The following EZH2 variants were observed in gnomAD, a reference collection of about 807,000 sequenced individuals.
EZH2 encodes the protein enhancer of zeste 2 polycomb repressive complex 2 subunit, also known as histone-lysine N-methyltransferase EZH2.
EZH2 carries 18 observed loss-of-function variants against 98.4 expected under a neutral mutation model. That is an observed-to-expected ratio of 0.18 (90% confidence interval 0.13 to 0.27). The LOEUF is 0.27. Ranked by LOEUF, EZH2 falls within the 10% of genes least tolerant of loss-of-function variation. The probability of loss-of-function intolerance (pLI) is 1.00; values close to 1 mark genes in which losing one functional copy is unlikely to be tolerated. For missense variants in EZH2, 470 were observed against 935.1 expected, an observed-to-expected ratio of 0.50 and a Z score of 6.49; for synonymous variants, 338 against 312.3, an observed-to-expected ratio of 1.08 and a Z score of -0.87.
intron 1 of EZH2, among the ~76,000 whole-genome samples, chr7:148,881,011 T>C (rs1563082695): frequency 6.6e-6 from 1 of 152,224 alleles, no homozygotes. Flanking sequence ...GTATGTATCA[T>C]CTGACCATGA....
intron 8 of EZH2, among the ~76,000 whole-genome samples, chr7:148,823,993 A>G (rs570941851): frequency 6.6e-6 from 1 of 152,186 alleles, no homozygotes; most frequent in South Asian, 2.1e-4. Context: ...ATAAGAGACC[A>G]GAAAACTAAA....
chr7:148,820,753 GAAAAA>G (rs1805825631), intron 8 of EZH2, among the ~76,000 whole-genome samples: 1 of 151,484 alleles, frequency 6.6e-6, no homozygotes, highest in East Asian at 1.9e-4. Context: ...GTTCTCTGAA[GAAAAA>G]AATACATAAT....
intron 8 of EZH2, among the ~76,000 whole-genome samples, chr7:148,824,075 G>A (rs1806962614): frequency 6.6e-6 from 1 of 152,040 alleles, no homozygotes; most frequent in Admixed American, 6.6e-5. Flanking sequence ...AACACTTTGG[G>A]AGGCCAGGGC....
chr7:148,868,057 A>C (rs533808089), intron 1 of EZH2, among the ~76,000 whole-genome samples: 1 of 152,302 alleles, frequency 6.6e-6, no homozygotes, highest in South Asian at 2.1e-4. Flanking sequence ...AAAACCATTC[A>C]ACAAGTCTCT....
In EZH2 at chr7:148,832,764, A is replaced by C; in HGVS notation, c.247-14T>G. On this transcript the variant is annotated splice_polypyrimidine_tract_variant and intron_variant, in intron 3 of 19. Coordinates refer to ENST00000320356, the MANE Select transcript of EZH2 (RefSeq NM_004456.5). ...GGTCACCGAACACTAAAACAGAAAA[A>C]ATAAAATTGACTCTTAAGAATAAAA... The C allele has an allele frequency of 6.6e-7, 1 of 1,519,794 alleles. No homozygotes were observed. Among genetic ancestry groups the C allele is most frequent in the Non-Finnish European group, 9.1e-7 (1 of 1,101,056 alleles). The allele number at this position is 1,519,794 out of a possible 1,614,324, so 94.1% of individuals were successfully genotyped here.
At chr7:148,857,942 G>C (rs1323057482) in intron 1 of EZH2, among the ~76,000 whole-genome samples, 1 of 150,510 alleles carries the variant, frequency 6.6e-6, no homozygotes, top group Non-Finnish European at 1.5e-5. Context: ...TTAAATAGGA[G>C]AAACAAAAAA....
At chr7:148,840,391 T>C (rs954986414) in intron 3 of EZH2, among the ~76,000 whole-genome samples, 1 of 151,796 alleles carries the variant, frequency 6.6e-6, no homozygotes, top group African/African-American at 2.4e-5. Context: ...TGGCCCAAAA[T>C]GGAAAGGATG....
intron 1 of EZH2, among the ~76,000 whole-genome samples, chr7:148,857,752 A>C (rs1817050884): frequency 6.7e-6 from 1 of 148,416 alleles, no homozygotes; most frequent in South Asian, 2.1e-4. Context: ...CTCCGTCCCA[A>C]ATAAATAAAT....
intron 1 of EZH2, among the ~76,000 whole-genome samples, chr7:148,864,557 T>C (rs1461123802): frequency 6.6e-6 from 1 of 151,856 alleles, no homozygotes; most frequent in Non-Finnish European, 1.5e-5. Context: ...GGCATGTGCC[T>C]ATAGTCCAAG....
At chr7:148,852,520 C>T (rs143381343) in intron 1 of EZH2, among the ~76,000 whole-genome samples, 52 of 152,282 alleles carry the variant, frequency 3.4e-4, no homozygotes, top group African/African-American at 1.1e-3. Context: ...GTTAGATACA[C>T]GGCCACAATC....
Position 148,811,737 on chromosome 7 carries a change from A to C in EZH2, c.1852-17T>G, listed in dbSNP as rs1803140015. 2 of 1,602,764 alleles carry C rather than the reference A, an allele frequency of 1.2e-6. No individual in the cohort carries two copies. Among genetic ancestry groups the C allele is most frequent in the African/African-American group, 2.7e-5 (2 of 74,746 alleles). ...CAATAGATGCTAGAGAATAAAACAC[A>C]ATCACATCATCAAAAAAGGAGGGTG... On this transcript the variant is annotated splice_polypyrimidine_tract_variant and intron_variant, in intron 15 of 19. Coordinates refer to ENST00000320356, the MANE Select transcript of EZH2 (RefSeq NM_004456.5).
chr7:148,867,799 C>A (rs1267226409), intron 1 of EZH2, among the ~76,000 whole-genome samples: 1 of 152,188 alleles, frequency 6.6e-6, no homozygotes, highest in African/African-American at 2.4e-5. Flanking sequence ...TGAGCACAGG[C>A]TTTTAGAAGC....
intron 1 of EZH2, among the ~76,000 whole-genome samples, chr7:148,868,149 C>G (rs1012136014): frequency 5.9e-5 from 9 of 152,224 alleles, no homozygotes; most frequent in Non-Finnish European, 1.2e-4. Context: ...TTACTCAGTC[C>G]AAAAGCTGCA....
At chr7:148,819,010 C>A in intron 9 of EZH2, 1 of 455,634 alleles carries the variant, frequency 2.2e-6, no homozygotes, top group Non-Finnish European at 4.4e-6. Flanking sequence ...AATCTTCTGT[C>A]CAAAATCCAA....
chr7:148,809,632 T>C (rs1343023853), intron 17 of EZH2, among the ~76,000 whole-genome samples: 1 of 148,192 alleles, frequency 6.7e-6, no homozygotes, highest in Non-Finnish European at 1.5e-5. Context: ...AATTATCAAC[T>C]ATAAACATAC....
chr7:148,864,709 G>GA (rs1241216422), intron 1 of EZH2, among the ~76,000 whole-genome samples: 8 of 145,028 alleles, frequency 5.5e-5, no homozygotes, highest in East Asian at 2.0e-4. Context: ...AGGAAAAAAA[G>GA]AAAAAAAAAG....
Position 148,839,092 on chromosome 7 carries a change from G to GGAAGGAAGGAAAGAAA in EZH2, c.247-6343_247-6342insTTTCTTTCCTTCCTTC, listed in dbSNP as rs1562997849. ...AGGAAGGAAGGAAGGAAGGAAGGAA[G>GGAAGGAAGGAAAGAAA]GAAGGAAGGAAGGAAAGTGAGTGAG... On this transcript the variant is annotated intron_variant, in intron 3 of 19. Transcript: ENST00000320356. Among the ~76,000 whole-genome samples, 772 of 144,684 alleles carry GGAAGGAAGGAAAGAAA rather than the reference G, an allele frequency of 5.3e-3. 14 individuals carry two copies. The highest frequency in any genetic ancestry group is 0.02 in the African/African-American group (744 of 37,846). The allele number at this position is 144,684 out of a possible 152,430, so 94.9% of individuals were successfully genotyped here. A position where few individuals can be genotyped will look rare whatever the true frequency, so the allele number is the denominator to read the frequency against.
intron 8 of EZH2, 130 bp downstream of exon 8, chr7:148,826,321 ATAC>A (rs1807695414): frequency 1.5e-6 from 1 of 671,226 alleles, no homozygotes; most frequent in South Asian, 6.8e-5. Flanking sequence ...AAAAATAATA[ATAC>A]TGAGATCTAA....
intron 1 of EZH2, among the ~76,000 whole-genome samples, chr7:148,873,303 C>A (rs1382028976): frequency 1.3e-5 from 2 of 151,924 alleles, no homozygotes; most frequent in African/African-American, 4.8e-5. Context: ...ACCAGTCTGG[C>A]CAACATAGTG....
Sources: gnomAD v4.1 joint callset for allele counts (sites outside exome capture counted in the v4.1 genomes callset) on GRCh38, gnomAD v4.1.1 for gene constraint, MANE v1.5 for transcripts, NCBI Gene and HGNC (gene_info 2026-07-23, HGNC 2026-07-21) for gene names.